ADARB1: variants seen among roughly 807,000 people sequenced by gnomAD.
ADARB1 encodes the protein double-stranded RNA-specific editase 1.
Under a neutral mutation model 52.4 loss-of-function variants are expected in ADARB1, and 10 were observed. The observed-to-expected ratio is 0.19, with a 90% CI of 0.12 to 0.32. The LOEUF is 0.32. ADARB1 is among the 10% of genes least tolerant of loss of function. The pLI, the probability that ADARB1 is intolerant of heterozygous loss-of-function variation, is 1.00. For missense variants in ADARB1, 643 were observed against 922.3 expected (o/e 0.70, Z 3.92); for synonymous variants, 349 against 371.1 (o/e 0.94, Z 0.68).
intron 1 of ADARB1, among the ~76,000 whole-genome samples, chr21:45,112,889 C>T (rs1208173563): frequency 6.6e-6 from 1 of 152,056 alleles, no homozygotes; most frequent in Non-Finnish European, 1.5e-5. Context: ...GGATGCCCCT[C>T]TGTGAGTTGT....
rs1311539425 is a variant in ADARB1 at position 45,221,377 on chromosome 21, T to C, written c.1926+363T>C. 6.6e-6 allele frequency among the ~76,000 whole-genome samples: 1 copy of C among 152,220 alleles called. No individual in the cohort carries two copies. Among genetic ancestry groups the C allele is most frequent in the Non-Finnish European group, 1.5e-5 (1 of 68,034 alleles). On this transcript the variant is annotated intron_variant, in intron 10 of 10. Coordinates refer to ENST00000348831, the MANE Select transcript of ADARB1 (RefSeq NM_001112.4). The surrounding 1 kb of genome is among the most constrained non-coding windows in gnomAD (Gnocchi z 4.9). ...AGCAACATAAAAATTGCTTGGATTG[T>C]GATAACCCTCCAGTGGAGTTTTTAA...
At chr21:45,156,522 T>TC (rs1259723118) in intron 2 of ADARB1, among the ~76,000 whole-genome samples, 3,246 of 13,466 alleles carry the variant, frequency 0.24, 154 homozygotes, top group Admixed American at 0.32. Context: ...CACCCACCCA[T>TC]CATCACCCAT....
intron 1 of ADARB1, among the ~76,000 whole-genome samples, chr21:45,118,078 A>G (rs1264776939): frequency 6.6e-6 from 1 of 152,226 alleles, no homozygotes; most frequent in Non-Finnish European, 1.5e-5. Context: ...ATTTTAATAT[A>G]AGAAAAGTAA....
intron 1 of ADARB1, among the ~76,000 whole-genome samples, chr21:45,116,383 AT>A (rs1395859287): frequency 1.3e-5 from 2 of 152,242 alleles, no homozygotes; most frequent in Non-Finnish European, 2.9e-5. Context: ...GAAAGATTTA[AT>A]TTTTTATTTA....
rs1229403776 is a variant in ADARB1, at chr21:45,180,339, G to A, written c.973G>A (p.Asp325Asn). 1 of 1,613,888 alleles carries A rather than the reference G, an allele frequency of 6.2e-7. No homozygotes were observed. Among genetic ancestry groups the A allele is most frequent in the East Asian group, 2.2e-5 (1 of 44,880 alleles). ...LQLHLPQVLA[D>N]AVSRLVLGKF... ...TGTGCTTCCCACACAGGTTTTAGCTGACGCTGTCTCACGCCTGGTCCTGGG... is the reference window on the plus strand; with the variant it reads ...TGTGCTTCCCACACAGGTTTTAGCTAACGCTGTCTCACGCCTGGTCCTGGG... Residue 325 changes from aspartate (D) to asparagine (N), a missense_variant, in exon 5 of 11, where the codon GAC (aspartate) becomes AAC (asparagine). Around this residue, in one of 2 missense-constraint regions of ADARB1, gnomAD observed 380 missense variants for 446.5 expected, o/e 0.85. Transcript: ENST00000348831.
In ADARB1 at chr21:45,183,271, C is replaced by T. The variant is rs964618597; in HGVS notation, c.1248-91C>T. On this transcript the variant is annotated intron_variant, in intron 6 of 10. Coordinates refer to ENST00000348831, the MANE Select transcript of ADARB1 (RefSeq NM_001112.4). Reference sequence around the variant, plus strand: ...TATTCCAGTTCAAACTTATCTTTCCCTTGTGGAAAATACTAGCCTCTGAAA... The same window carrying T: ...TATTCCAGTTCAAACTTATCTTTCCTTTGTGGAAAATACTAGCCTCTGAAA... The T allele has an allele frequency of 2.4e-6, 3 of 1,261,802 alleles. No individual in the cohort carries two copies. The African/African-American group carries it at 4.6e-5, about 19-fold the overall frequency. 78.2% of individuals were successfully genotyped at this position (1,261,802 alleles called of 1,614,324 possible). A position where few individuals can be genotyped will look rare whatever the true frequency, so the allele number is the denominator to read the frequency against.
intron 8 of ADARB1, among the ~76,000 whole-genome samples, chr21:45,203,648 T>C (rs545274973): frequency 6.6e-6 from 1 of 152,338 alleles, no homozygotes; most frequent in South Asian, 2.1e-4. Flanking sequence ...GCATGCATCA[T>C]TGGTGTCATG....
At chr21:45,194,307 C>T (rs1276058437) in intron 8 of ADARB1, among the ~76,000 whole-genome samples, 2 of 152,196 alleles carry the variant, frequency 1.3e-5, no homozygotes, top group African/African-American at 4.8e-5. Flanking sequence ...CCACAGTTTA[C>T]AATGGGGCTC....
At position 45,200,592 on chromosome 21, in the gene ADARB1, AG is replaced by A. The variant is rs1383184627; in HGVS notation, c.1566-3958del. Among the ~76,000 whole-genome samples, 1 of 152,148 alleles carries A rather than the reference AG, an allele frequency of 6.6e-6. No homozygotes were observed. Among genetic ancestry groups the A allele is most frequent in the Non-Finnish European group, 1.5e-5 (1 of 68,014 alleles). On this transcript the variant is annotated intron_variant, in intron 8 of 10. Coordinates refer to ENST00000348831, the MANE Select transcript of ADARB1 (RefSeq NM_001112.4). This position sits in a 1 kb window ranked among gnomAD's most constrained non-coding sequence, Gnocchi z 5.0. ...AGGGGGATGGCTTTATTGTAGGGAA[AG>A]GGGGAGGCTTTGGGTATGTTCTGAT...
At chr21:45,205,824 C>G (rs532157536) in intron 9 of ADARB1, among the ~76,000 whole-genome samples, 1 of 152,076 alleles carries the variant, frequency 6.6e-6, no homozygotes, top group African/African-American at 2.4e-5. Context: ...ATAATCCTAA[C>G]CTGAAACACG....
chr21:45,167,761 T>G (rs993676865), intron 2 of ADARB1, among the ~76,000 whole-genome samples: 10 of 152,122 alleles, frequency 6.6e-5, no homozygotes, highest in Admixed American at 6.5e-4. Context: ...TAAAAAATAC[T>G]TTTTATTTTG....
Position 45,222,892 on chromosome 21 carries a change from C to T in ADARB1, c.*695C>T, listed in dbSNP as rs184907062. The T allele has an allele frequency of 1.2e-4, 115 of 985,508 alleles. No homozygotes were observed. The highest frequency in any genetic ancestry group is 5.7e-4 in the East Asian group (5 of 8,816). The allele number at this position is 985,508 out of a possible 1,614,324, so 61.0% of individuals were successfully genotyped here. On this transcript the variant is annotated 3_prime_UTR_variant, in exon 11 of 11. Coordinates refer to ENST00000348831, the MANE Select transcript of ADARB1 (RefSeq NM_001112.4). The stretch of plus-strand genomic sequence containing the variant: ...GCAGTGACTGTGTGTCCTGCAGAGG[C>T]GTGACCCAGGCCCCTGTAGCCCTCA...
chr21:45,160,866 T>C (rs1419302597), intron 2 of ADARB1, among the ~76,000 whole-genome samples: 1 of 152,248 alleles, frequency 6.6e-6, no homozygotes, highest in Non-Finnish European at 1.5e-5. Context: ...TCGACTTACA[T>C]AGAAGGTGTG....
intron 1 of ADARB1, among the ~76,000 whole-genome samples, chr21:45,125,925 T>G (rs2088549800): frequency 6.6e-6 from 1 of 152,248 alleles, no homozygotes; most frequent in African/African-American, 2.4e-5. Flanking sequence ...CTTTAATTTT[T>G]TTACTCCTAT....
intron 8 of ADARB1, among the ~76,000 whole-genome samples, chr21:45,201,089 C>A (rs895535930): frequency 1.3e-5 from 2 of 152,194 alleles, no homozygotes; most frequent in Non-Finnish European, 2.9e-5. Context: ...TGTGAGTGGG[C>A]ACCTCCCATG....
rs776638142 is a variant in ADARB1, at chr21:45,172,561, A to C, written c.28+877A>C. On this transcript the variant is annotated intron_variant, in intron 3 of 10. Coordinates refer to ENST00000348831, the MANE Select transcript of ADARB1 (RefSeq NM_001112.4). This position sits in a 1 kb window ranked among gnomAD's most constrained non-coding sequence, Gnocchi z 4.4. ...CACTCTTGCGTACCATGTAGAACCC[A>C]AACCATGACCCAGTGAAGCATTTCT... 6.6e-6 allele frequency among the ~76,000 whole-genome samples: 1 copy of C among 152,206 alleles called. No individual in the cohort carries two copies. Among genetic ancestry groups the C allele is most frequent in the African/African-American group, 2.4e-5 (1 of 41,450 alleles).
chr21:45,204,548 C>G lies in ADARB1; in HGVS notation c.1566-7C>G. On this transcript the variant is annotated splice_polypyrimidine_tract_variant and splice_region_variant and intron_variant, in intron 8 of 10. Coordinates refer to ENST00000348831, the MANE Select transcript of ADARB1 (RefSeq NM_001112.4). This position sits in a 1 kb window ranked among gnomAD's most constrained non-coding sequence, Gnocchi z 4.4. The stretch of plus-strand genomic sequence containing the variant: ...TCCCTGAAGACTGTGCTTTCTTCTC[C>G]CTCCAGCTGGAACGTGGTGGGCATC... The G allele has an allele frequency of 6.2e-7, 1 of 1,613,802 alleles. No homozygotes were observed. Among genetic ancestry groups the G allele is most frequent in the Non-Finnish European group, 8.5e-7 (1 of 1,179,788 alleles).
intron 2 of ADARB1, among the ~76,000 whole-genome samples, chr21:45,131,240 G>T (rs181082891): frequency 6.6e-6 from 1 of 152,278 alleles, no homozygotes; most frequent in African/African-American, 2.4e-5. Context: ...GTCAGTGCAG[G>T]CAGATGTGGG....
intron 1 of ADARB1, among the ~76,000 whole-genome samples, chr21:45,107,513 C>T (rs1045869802): frequency 6.6e-6 from 1 of 151,858 alleles, no homozygotes; most frequent in Admixed American, 6.6e-5. Context: ...AAGAACCAGA[C>T]AGACCAATGG....
Sources: gnomAD v4.1 joint callset for allele counts (sites outside exome capture counted in the v4.1 genomes callset) on GRCh38, gnomAD v4.1.1 for gene constraint, gnomAD v4.1.1 regional missense constraint, Gnocchi (gnomAD v3.1) non-coding constraint, MANE v1.5 for transcripts, NCBI Gene and HGNC (gene_info 2026-07-23, HGNC 2026-07-21) for gene names.